The following KAZN variants were observed in gnomAD, a reference collection of about 807,000 sequenced individuals.
KAZN encodes kazrin.
A neutral mutation model predicts 87.4 loss-of-function variants in KAZN; 40 were observed. That is an observed-to-expected ratio of 0.46 (90% CI 0.36 to 0.60). The LOEUF is 0.60. KAZN is among the 20% of genes least tolerant of loss of function. KAZN has a pLI of 0.00. For missense variants in KAZN, 898 were observed against 1,073.9 expected, an observed-to-expected ratio of 0.84 and a Z score of 2.29; for synonymous variants, 466 against 458.3, an observed-to-expected ratio of 1.02 and a Z score of -0.22.
intron 2 of KAZN, among the ~76,000 whole-genome samples, chr1:14,975,301 G>T (rs978417870): frequency 7.2e-5 from 11 of 152,336 alleles, no homozygotes; most frequent in African/African-American, 2.6e-4. Context: ...TTTTTAAATA[G>T]GTCTGACCAC....
intron 2 of KAZN, among the ~76,000 whole-genome samples, chr1:14,211,591 G>T (rs1378630642): frequency 1.3e-5 from 2 of 152,090 alleles, no homozygotes; most frequent in African/African-American, 4.8e-5. Context: ...TACATTGACG[G>T]CAGAGAACTA....
chr1:14,337,946 C>T (rs899043061), intron 2 of KAZN, among the ~76,000 whole-genome samples: 2 of 150,816 alleles, frequency 1.3e-5, no homozygotes, highest in African/African-American at 4.9e-5. Context: ...GATCTTAATA[C>T]CATCTGCTGC....
chr1:14,665,946 A>AAAAT (rs1572173766), intron 1 of KAZN, among the ~76,000 whole-genome samples: 1 of 151,888 alleles, frequency 6.6e-6, no homozygotes, highest in South Asian at 2.1e-4. Flanking sequence ...AAAAAAAAAA[A>AAAAT]AAAAAAATAA....
At chr1:14,976,903 A>C (rs1299948271) in intron 2 of KAZN, among the ~76,000 whole-genome samples, 1 of 152,052 alleles carries the variant, frequency 6.6e-6, no homozygotes, top group East Asian at 1.9e-4. Flanking sequence ...AAATACAAAA[A>C]AATTAGCCAG....
At chr1:14,651,070 C>T (rs1638334913) in intron 1 of KAZN, among the ~76,000 whole-genome samples, 1 of 152,206 alleles carries the variant, frequency 6.6e-6, no homozygotes, top group South Asian at 2.1e-4. Context: ...ATATTCAACC[C>T]AAGAGCATCA....
At chr1:14,090,924 C>T (rs906547358) in intron 1 of KAZN, among the ~76,000 whole-genome samples, 1 of 151,894 alleles carries the variant, frequency 6.6e-6, no homozygotes, top group African/African-American at 2.4e-5. Flanking sequence ...CCAGCCTGGC[C>T]AACATGGTGA....
intron 1 of KAZN, among the ~76,000 whole-genome samples, chr1:14,789,334 A>T (rs572509776): frequency 2.5e-4 from 38 of 152,178 alleles, no homozygotes; most frequent in African/African-American, 9.2e-4. Context: ...GTTTCCACAG[A>T]CCAAATCCAT....
chr1:14,910,466 C>G (rs1273421572), intron 1 of KAZN, among the ~76,000 whole-genome samples: 2 of 152,174 alleles, frequency 1.3e-5, no homozygotes, highest in East Asian at 3.9e-4. Flanking sequence ...TGTAGGAGGT[C>G]ATTCTGTGCA....
At chr1:14,018,102 T>C (rs2101233094) in intron 1 of KAZN, among the ~76,000 whole-genome samples, 1 of 152,348 alleles carries the variant, frequency 6.6e-6, no homozygotes, top group South Asian at 2.1e-4. Context: ...AAGTTCGCAT[T>C]GATCACTGGC....
chr1:14,591,544 G>A (rs1056518707), intron 2 of KAZN, among the ~76,000 whole-genome samples: 2 of 152,094 alleles, frequency 1.3e-5, no homozygotes, highest in Admixed American at 1.3e-4. Flanking sequence ...TAAGTCTGTG[G>A]TTAGAATGTC....
upstream of KAZN, among the ~76,000 whole-genome samples, chr1:14,597,490 C>T (rs964426043): frequency 1.3e-5 from 2 of 152,164 alleles, no homozygotes; most frequent in Non-Finnish European, 2.9e-5. Context: ...AATTGCTTAA[C>T]CCTATGCAGA....
chr1:14,360,468 C>T (rs1008463446), intron 2 of KAZN, among the ~76,000 whole-genome samples: 3 of 152,098 alleles, frequency 2.0e-5, no homozygotes, highest in East Asian at 1.9e-4. Context: ...ATTCTCCATC[C>T]GGTTTTGTTC....
chr1:14,995,374 G>C (rs988074174), intron 2 of KAZN, among the ~76,000 whole-genome samples: 2 of 152,184 alleles, frequency 1.3e-5, no homozygotes, highest in African/African-American at 4.8e-5. Context: ...ATCATAAAGA[G>C]ACTGGTAACA....
chr1:13,968,967 A>G (rs2884821), intron 1 of KAZN, among the ~76,000 whole-genome samples: 63,714 of 151,976 alleles, frequency 0.42, 13,665 homozygotes, highest in East Asian at 0.64. Context: ...GCTTCTAATA[A>G]GTATCTCAAC....
chr1:14,665,953 A>T (rs1223890028), intron 1 of KAZN, among the ~76,000 whole-genome samples: 1 of 146,612 alleles, frequency 6.8e-6, no homozygotes. Flanking sequence ...AAAAAAAAAA[A>T]TAACATACAG....
At chr1:14,401,171 A>G (rs893414684) in intron 2 of KAZN, among the ~76,000 whole-genome samples, 2 of 152,336 alleles carry the variant, frequency 1.3e-5, no homozygotes, top group Non-Finnish European at 1.5e-5. Context: ...GTGATTTTAA[A>G]TTCCCAGACA....
At chr1:14,216,577 G>C (rs1280785010) in intron 2 of KAZN, among the ~76,000 whole-genome samples, 1 of 152,142 alleles carries the variant, frequency 6.6e-6, no homozygotes, top group Non-Finnish European at 1.5e-5. Context: ...AGTTGGAAAA[G>C]TTAGTAAAAC....
chr1:14,747,302 G>T (rs748021971), intron 1 of KAZN, among the ~76,000 whole-genome samples: 5 of 151,766 alleles, frequency 3.3e-5, no homozygotes, highest in Non-Finnish European at 7.4e-5. Flanking sequence ...TTGAGACAGG[G>T]TTTATCTCCC....
At chr1:14,214,482 C>G (rs1409970853) in intron 2 of KAZN, among the ~76,000 whole-genome samples, 1 of 152,094 alleles carries the variant, frequency 6.6e-6, no homozygotes, top group Non-Finnish European at 1.5e-5. Flanking sequence ...CAATCTCAAC[C>G]TTCTTACTCT....
Sources: gnomAD v4.1 joint callset for allele counts (sites outside exome capture counted in the v4.1 genomes callset) on GRCh38, gnomAD v4.1.1 for gene constraint, MANE v1.5 for transcripts, NCBI Gene and HGNC (gene_info 2026-07-23, HGNC 2026-07-21) for gene names.